Variants in PKHD1 observed in about 807,000 individuals in gnomAD.
PKHD1 encodes the protein PKHD1 ciliary IPT domain containing fibrocystin/polyductin, also known as fibrocystin.
PKHD1 carries 291 observed loss-of-function variants against 412.0 expected under a neutral mutation model. The ratio of observed to expected loss-of-function variants is 0.71; its 90% CI spans 0.64 to 0.78. The LOEUF is 0.78. Among genes scored for constraint, PKHD1 ranks in the 30% least tolerant of loss-of-function variants. The pLI is 0.00. For missense variants in PKHD1, 4,825 were observed against 4,950.7 expected (o/e 0.97, Z 0.76); for synonymous variants, 1,777 against 1,821.5 (o/e 0.98, Z 0.62).
Position 52,050,211 on chromosome 6 carries a change from C to A in PKHD1, c.2225G>T (p.Ser742Ile), listed in dbSNP as rs1165352408. Residue 742 changes from serine to isoleucine, a missense_variant, in exon 22 of 67, where the codon AGT becomes ATT. Ser to Ile is a moderately radical substitution (Grantham distance 142). Transcript: ENST00000371117. Reference protein sequence around the residue: ...VSVVGSPPVYSVTSWLAGCGT... With the variant: ...VSVVGSPPVYIVTSWLAGCGT... ...ACACCCCGCCAGCCAGGAGGTGACA[C>A]TGTAGACCGGAGGGGATCCCACCAC... 6.2e-7 allele frequency: 1 copy of A among 1,614,084 alleles called. No individual in the cohort carries two copies. The highest frequency in any genetic ancestry group is 8.5e-7 in the Non-Finnish European group (1 of 1,180,026).
At chr6:51,966,869 T>C (rs1792883553) in intron 35 of PKHD1, among the ~76,000 whole-genome samples, 2 of 150,228 alleles carry the variant, frequency 1.3e-5, no homozygotes, top group East Asian at 3.9e-4. Context: ...TGATATGGAG[T>C]GATCAGAGAC....
intron 60 of PKHD1, among the ~76,000 whole-genome samples, chr6:51,729,883 A>T (rs1322833712): frequency 6.6e-6 from 1 of 152,204 alleles, no homozygotes; most frequent in Non-Finnish European, 1.5e-5. Context: ...TCCTAAATTT[A>T]AAAACTGAGG....
At chr6:51,903,917 G>C (rs1781683097) in intron 42 of PKHD1, 69 bp downstream of exon 42, 1 of 1,067,076 alleles carries the variant, frequency 9.4e-7, no homozygotes, top group Non-Finnish European at 1.4e-6. Context: ...TTGCCATCAG[G>C]CTTGTCTATA....
At chr6:51,679,976 T>C (rs1260670452) in intron 60 of PKHD1, among the ~76,000 whole-genome samples, 2 of 152,022 alleles carry the variant, frequency 1.3e-5, no homozygotes, top group Non-Finnish European at 2.9e-5. Context: ...CTTCTTACCC[T>C]CTGTGTAACT....
rs1561963266 is a variant in PKHD1, at chr6:51,949,881, G to GGCT, written c.5908+9986_5908+9988dup. On this transcript the variant is annotated intron_variant, in intron 36 of 66. Coordinates refer to ENST00000371117, the MANE Select transcript of PKHD1 (RefSeq NM_138694.4). Reference sequence around the variant, plus strand: ...GGAGCCACACACACACAGAAGCAGAGGCTGCTGCTGCTGCTGTTTTTCCCA... The same window carrying GGCT: ...GGAGCCACACACACACAGAAGCAGAGGCTGCTGCTGCTGCTGCTGTTTTTCCCA... 3.9e-5 allele frequency among the ~76,000 whole-genome samples: 6 copies of GGCT among 152,130 alleles called. 1 individual carries two copies. The South Asian group carries it at 8.3e-4, about 21-fold the overall frequency.
intron 60 of PKHD1, among the ~76,000 whole-genome samples, chr6:51,686,333 C>T (rs556801223): frequency 6.6e-5 from 10 of 152,302 alleles, no homozygotes; most frequent in Non-Finnish European, 1.3e-4. Context: ...TTGTCTTCTG[C>T]TAATTCCCTT....
chr6:51,961,263 C>T lies in PKHD1; in HGVS notation c.5752-1237G>A, dbSNP rs1372349475. 2.6e-5 allele frequency among the ~76,000 whole-genome samples: 4 copies of T among 152,062 alleles called. No homozygotes were observed. The East Asian group carries it at 5.8e-4, about 22-fold the overall frequency. ...TGGAAAATTGTGTTGCCAGAAGAGC[C>T]GTTACGTTTTCCAGAAAAAGATACA... On this transcript the variant is annotated intron_variant, in intron 35 of 66. Coordinates refer to ENST00000371117, the MANE Select transcript of PKHD1 (RefSeq NM_138694.4).
intron 60 of PKHD1, among the ~76,000 whole-genome samples, chr6:51,663,037 G>A (rs1773120200): frequency 6.6e-6 from 1 of 151,908 alleles, no homozygotes; most frequent in Non-Finnish European, 1.5e-5. Context: ...GTTGTCTTCA[G>A]AAGCATGGAT....
In PKHD1 at chr6:51,979,942, G is replaced by C. The variant is rs933511890; in HGVS notation, c.5752-19916C>G. On this transcript the variant is annotated intron_variant, in intron 35 of 66. Coordinates refer to ENST00000371117, the MANE Select transcript of PKHD1 (RefSeq NM_138694.4). The stretch of plus-strand genomic sequence containing the variant: ...ACCCTGGAGAAGCTATCTTCTCTCA[G>C]TGCTGCCCTGCGCTCAGTGCCCACT... 9.2e-5 allele frequency among the ~76,000 whole-genome samples: 14 copies of C among 152,136 alleles called. No individual in the cohort carries two copies. The East Asian group carries it at 9.6e-4, about 10-fold the overall frequency.
At chr6:51,768,703 TTAATAA>T (rs1017897187) in intron 55 of PKHD1, among the ~76,000 whole-genome samples, 13 of 151,780 alleles carry the variant, frequency 8.6e-5, no homozygotes, top group African/African-American at 3.1e-4. Flanking sequence ...GGCTAAAACT[TTAATAA>T]TAATATTTAA....
intron 61 of PKHD1, among the ~76,000 whole-genome samples, chr6:51,654,229 C>T (rs1771442775): frequency 6.6e-6 from 1 of 152,090 alleles, no homozygotes; most frequent in Non-Finnish European, 1.5e-5. Context: ...ACATTTTATA[C>T]TCAAGTTAAT....
chr6:52,072,827 A>C (rs1810832317), intron 7 of PKHD1, among the ~76,000 whole-genome samples: 1 of 152,302 alleles, frequency 6.6e-6, no homozygotes, highest in Middle Eastern at 3.4e-3. Flanking sequence ...ATAAATGCTC[A>C]GTACAATTGC....
At chr6:51,887,602 T>C (rs947762482) in intron 43 of PKHD1, among the ~76,000 whole-genome samples, 1 of 152,128 alleles carries the variant, frequency 6.6e-6, no homozygotes, top group Non-Finnish European at 1.5e-5. Flanking sequence ...GATCTGGTAG[T>C]TTAAAAGTGT....
intron 54 of PKHD1, among the ~76,000 whole-genome samples, chr6:51,775,535 T>C (rs921575766): frequency 6.6e-6 from 1 of 151,968 alleles, no homozygotes; most frequent in Admixed American, 6.6e-5. Context: ...AACTTTAGTG[T>C]CTGACTAATC....
intron 31 of PKHD1, 101 bp downstream of exon 31, chr6:52,027,728 T>C: frequency 1.2e-6 from 1 of 865,984 alleles, no homozygotes; most frequent in African/African-American, 1.7e-5. Context: ...CTGTTTCCCC[T>C]CTCTCTGACC....
chr6:51,983,795 G>C (rs1348688835), intron 35 of PKHD1, among the ~76,000 whole-genome samples: 1 of 152,222 alleles, frequency 6.6e-6, no homozygotes, highest in Non-Finnish European at 1.5e-5. Context: ...ACAGCTTCCA[G>C]CACTGCACCA....
At chr6:52,085,553 A>C (rs142475546) in intron 1 of PKHD1, among the ~76,000 whole-genome samples, 2,275 of 152,284 alleles carry the variant, frequency 0.015, 23 homozygotes, top group Non-Finnish European at 0.025. Context: ...GGTGCTGCTC[A>C]GGAGCCCCTC....
chr6:51,989,646 C>G (rs1325167045), intron 35 of PKHD1, among the ~76,000 whole-genome samples: 1 of 151,828 alleles, frequency 6.6e-6, no homozygotes, highest in Non-Finnish European at 1.5e-5. Context: ...ATTTTTCACT[C>G]GAGTCATCAT....
At position 51,678,292 on chromosome 6, in the gene PKHD1, A is replaced by G. The variant is rs974445716; in HGVS notation, c.10157-18323T>C. Among the ~76,000 whole-genome samples, 51 of 152,148 alleles carry G rather than the reference A, an allele frequency of 3.4e-4. 2 individuals carry two copies. The highest frequency in any genetic ancestry group is 7.4e-5 in the Non-Finnish European group (5 of 68,016). ...GAAATGGTACTTAATTCATAAGCTG[A>G]TGGAGAGGGCTAAGTTAGATGACGT... On this transcript the variant is annotated intron_variant, in intron 60 of 66. Coordinates refer to ENST00000371117, the MANE Select transcript of PKHD1 (RefSeq NM_138694.4).
Sources: allele counts gnomAD v4.1 joint callset (sites outside exome capture counted in the v4.1 genomes callset), GRCh38; gene constraint gnomAD v4.1.1; transcripts MANE v1.5; gene names NCBI Gene and HGNC (gene_info 2026-07-23, HGNC 2026-07-21).